Variants in DOCK4 observed in about 807,000 individuals in gnomAD.
DOCK4 encodes dedicator of cytokinesis 4.
Under a neutral mutation model 268.1 loss-of-function variants are expected in DOCK4, and 97 were observed. The observed-to-expected ratio is 0.36, with a 90% CI of 0.31 to 0.43. The LOEUF is 0.43. Ranked by LOEUF, DOCK4 falls within the 20% of genes least tolerant of loss-of-function variation. The probability of loss-of-function intolerance (pLI) is 1.00; values close to 1 mark genes in which losing one functional copy is unlikely to be tolerated. For synonymous variants in DOCK4, 954 were observed against 887.2 expected (o/e 1.08, Z -1.34); for missense variants, 2,145 against 2,455.7 (o/e 0.87, Z 2.67).
At chr7:112,114,106 T>C (rs993383316) in intron 1 of DOCK4, among the ~76,000 whole-genome samples, 2 of 152,084 alleles carry the variant, frequency 1.3e-5, no homozygotes, top group Admixed American at 6.6e-5. Flanking sequence ...AGGGGCCAAA[T>C]CCTGGAAACT....
chr7:112,035,151 C>G (rs1165381083), intron 1 of DOCK4, among the ~76,000 whole-genome samples: 1 of 151,992 alleles, frequency 6.6e-6, no homozygotes, highest in East Asian at 1.9e-4. Context: ...AACAGCCAGC[C>G]CTTAAATAGT....
chr7:111,898,218 T>C (rs1290833425), intron 15 of DOCK4, among the ~76,000 whole-genome samples: 3 of 152,250 alleles, frequency 2.0e-5, no homozygotes, highest in Non-Finnish European at 4.4e-5. Context: ...GTCTCCTTGC[T>C]ATTCCTTGAA....
chr7:111,933,161 T>TATATACGTATATACAC (rs1562904706), intron 12 of DOCK4, among the ~76,000 whole-genome samples: 8 of 131,548 alleles, frequency 6.1e-5, no homozygotes, highest in Admixed American at 2.3e-4. Context: ...TATATACACA[T>TATATACGTATATACAC]ATATACGTAT....
At chr7:112,147,719 G>C (rs958407423) in intron 1 of DOCK4, among the ~76,000 whole-genome samples, 1 of 149,786 alleles carries the variant, frequency 6.7e-6, no homozygotes, top group African/African-American at 2.5e-5. Context: ...CCTCCGTACT[G>C]AATTCAAGTA....
intron 46 of DOCK4, 66 bp downstream of exon 46, chr7:111,741,474 A>G (rs1795912151): frequency 1.3e-6 from 2 of 1,577,306 alleles, no homozygotes; most frequent in East Asian, 2.2e-5. Flanking sequence ...ATAAAGAATG[A>G]GAGAACCATT....
chr7:111,983,719 G>A (rs531253820), intron 7 of DOCK4, among the ~76,000 whole-genome samples: 2 of 152,156 alleles, frequency 1.3e-5, no homozygotes, highest in South Asian at 2.1e-4. Context: ...GATGATTCAC[G>A]GGCTTCAGTA....
At chr7:112,118,605 T>C (rs1812408225) in intron 1 of DOCK4, among the ~76,000 whole-genome samples, 1 of 152,190 alleles carries the variant, frequency 6.6e-6, no homozygotes, top group Non-Finnish European at 1.5e-5. Flanking sequence ...CTGGGACTTC[T>C]CTCCATACTT....
intron 47 of DOCK4, among the ~76,000 whole-genome samples, chr7:111,740,739 A>AAAAAAAAG (rs1795856746): frequency 7.1e-6 from 1 of 140,384 alleles, no homozygotes; most frequent in Non-Finnish European, 1.5e-5. Context: ...TAAAAAAAAA[A>AAAAAAAAG]AAAAAAAAAA....
At chr7:111,914,184 C>T (rs912631377) in intron 13 of DOCK4, among the ~76,000 whole-genome samples, 1 of 152,066 alleles carries the variant, frequency 6.6e-6, no homozygotes, top group Non-Finnish European at 1.5e-5. Context: ...GACTGTAATC[C>T]CCCTCAAAGT....
Position 111,790,581 on chromosome 7 carries a change from G to C in DOCK4, c.3191C>G (p.Pro1064Arg), listed in dbSNP as rs774993953. The C allele has an allele frequency of 1.1e-5, 18 of 1,613,342 alleles. No homozygotes were observed. The highest frequency in any genetic ancestry group is 1.3e-5 in the African/African-American group (1 of 74,892). Residue 1064 changes from proline to arginine, a missense_variant, in exon 31 of 53, where the codon CCT becomes CGT. By Grantham distance (103) the Pro-to-Arg change is moderately radical. Coordinates refer to ENST00000428084, the MANE Select transcript of DOCK4 (RefSeq NM_001363540.2). ...NLGEHKLHFI[P>R]ALIGPFLEVT... Reference sequence around the variant, plus strand: ...TTCTAGGAAGGGGCCAATCAGGGCAGGGATAAAATGAAGCTTGTGCTCTCC... The same window carrying C: ...TTCTAGGAAGGGGCCAATCAGGGCACGGATAAAATGAAGCTTGTGCTCTCC...
At chr7:111,835,094 T>C (rs886201912) in intron 25 of DOCK4, among the ~76,000 whole-genome samples, 2 of 152,198 alleles carry the variant, frequency 1.3e-5, no homozygotes, top group Non-Finnish European at 2.9e-5. Context: ...TAATACCTTT[T>C]TGAAGAAGGT....
intron 36 of DOCK4, among the ~76,000 whole-genome samples, chr7:111,769,924 CTTTTGT>C (rs1402107868): frequency 6.6e-6 from 1 of 151,902 alleles, no homozygotes; most frequent in African/African-American, 2.4e-5. Flanking sequence ...CTGTTTTTGT[CTTTTGT>C]TTTTGTCTTC....
rs1031956893 is a variant in DOCK4, at chr7:112,004,905, G to A, written c.38-774C>T. 5.9e-5 allele frequency among the ~76,000 whole-genome samples: 9 copies of A among 152,238 alleles called. No homozygotes were observed. The Middle Eastern group carries it at 0.01, about 173-fold the overall frequency. On this transcript the variant is annotated intron_variant, in intron 1 of 52. Coordinates refer to ENST00000428084, the MANE Select transcript of DOCK4 (RefSeq NM_001363540.2). ...CAGGACTAGGATGGTGTATCCATAC[G>A]GAGAAAGTACGCACAGATTAGTCCT...
intron 52 of DOCK4, among the ~76,000 whole-genome samples, chr7:111,731,248 T>G (rs1795063709): frequency 6.6e-6 from 1 of 152,194 alleles, no homozygotes; most frequent in Non-Finnish European, 1.5e-5. Context: ...TTTTCTCCAT[T>G]TTGCGGGGGG....
intron 17 of DOCK4, among the ~76,000 whole-genome samples, chr7:111,876,665 C>T (rs1319882907): frequency 2.0e-5 from 3 of 146,454 alleles, no homozygotes; most frequent in African/African-American, 7.5e-5. Context: ...TCTAATTAAA[C>T]AAAAAACAGC....
At chr7:112,032,380 A>T (rs1479435237) in intron 1 of DOCK4, among the ~76,000 whole-genome samples, 1 of 152,244 alleles carries the variant, frequency 6.6e-6, no homozygotes, top group Non-Finnish European at 1.5e-5. Context: ...TATCAACTAC[A>T]AATTAAGAAG....
intron 1 of DOCK4, among the ~76,000 whole-genome samples, chr7:112,195,588 T>A (rs1419010664): frequency 4.6e-5 from 7 of 152,044 alleles, no homozygotes; most frequent in African/African-American, 1.7e-4. Flanking sequence ...TAATGTTTCA[T>A]CCAGGATCTC....
chr7:111,916,988 T>TC (rs999535735), intron 12 of DOCK4, among the ~76,000 whole-genome samples: 18 of 91,532 alleles, frequency 2.0e-4, no homozygotes, highest in African/African-American at 6.8e-4. Context: ...ATGTTTTTTT[T>TC]TTTTTTTTTT....
At chr7:111,858,366 G>A (rs1805191217) in intron 23 of DOCK4, among the ~76,000 whole-genome samples, 1 of 152,184 alleles carries the variant, frequency 6.6e-6, no homozygotes, top group South Asian at 2.1e-4. Context: ...GGGCCATGGG[G>A]TGTCCAGAGA....
Sources: allele counts gnomAD v4.1 joint callset (sites outside exome capture counted in the v4.1 genomes callset), GRCh38; gene constraint gnomAD v4.1.1; transcripts MANE v1.5; gene names NCBI Gene and HGNC (gene_info 2026-07-23, HGNC 2026-07-21).